Variants in PDE4B observed in about 807,000 individuals in gnomAD.
The protein encoded by PDE4B is 3',5'-cyclic-AMP phosphodiesterase 4B.
A neutral mutation model predicts 82.2 loss-of-function variants in PDE4B; 20 were observed. The observed-to-expected ratio is 0.24, with a 90% confidence interval of 0.17 to 0.35. The LOEUF (loss-of-function observed/expected upper bound fraction) is 0.35, where lower values mean the gene tolerates loss of function less well. Among genes scored for constraint, PDE4B ranks in the 10% least tolerant of loss-of-function variants. The probability of loss-of-function intolerance (pLI) is 1.00; values close to 1 mark genes in which losing one functional copy is unlikely to be tolerated. For missense variants in PDE4B, 655 were observed against 907.2 expected, an observed-to-expected ratio of 0.72 and a Z score of 3.57; for synonymous variants, 320 against 318.9, an observed-to-expected ratio of 1.00 and a Z score of -0.04.
chr1:65,992,892 C>T, intron 3 of PDE4B: 1 of 1,610,812 alleles, frequency 6.2e-7, no homozygotes, highest in African/African-American at 1.3e-5. Flanking sequence ...TGAAAGCTAG[C>T]ACTCCTTACA....
chr1:66,020,107 T>G (rs938316654), intron 3 of PDE4B, among the ~76,000 whole-genome samples: 2 of 152,226 alleles, frequency 1.3e-5, no homozygotes, highest in Non-Finnish European at 2.9e-5. Flanking sequence ...GCATTACTGT[T>G]GAGGAAAGTA....
At chr1:66,069,967 G>A (rs1948730) in intron 3 of PDE4B, among the ~76,000 whole-genome samples, 4,480 of 152,046 alleles carry the variant, frequency 0.029, 164 homozygotes, top group Admixed American at 0.11. Context: ...ATATTTACAT[G>A]TATGTGCAAG....
At chr1:66,072,073 A>C (rs1013498745) in intron 3 of PDE4B, among the ~76,000 whole-genome samples, 1 of 151,740 alleles carries the variant, frequency 6.6e-6, no homozygotes, top group South Asian at 2.1e-4. Flanking sequence ...CTCTTAATCT[A>C]CCCCTAAGCC....
intron 3 of PDE4B, among the ~76,000 whole-genome samples, chr1:66,166,745 A>G (rs1209487633): frequency 6.6e-6 from 1 of 152,056 alleles, no homozygotes; most frequent in Non-Finnish European, 1.5e-5. Context: ...AAAAAAAAAA[A>G]AAAAAAGTGA....
intron 1 of PDE4B, among the ~76,000 whole-genome samples, chr1:65,814,163 GC>G (rs1645852441): frequency 1.3e-5 from 2 of 152,144 alleles, no homozygotes; most frequent in South Asian, 4.1e-4. Context: ...CCAAAGCCTT[GC>G]CCGAGGCAGC....
intron 3 of PDE4B, among the ~76,000 whole-genome samples, chr1:66,227,623 G>T (rs1651558160): frequency 6.6e-6 from 1 of 152,212 alleles, no homozygotes; most frequent in East Asian, 1.9e-4. Context: ...CACTCTACAG[G>T]AGACTGAGAA....
At chr1:65,943,788 A>G (rs1423415787) in intron 3 of PDE4B, among the ~76,000 whole-genome samples, 1 of 151,812 alleles carries the variant, frequency 6.6e-6, no homozygotes, top group Non-Finnish European at 1.5e-5. Context: ...TCTTTTGTGG[A>G]TAATTTGTTG....
intron 7 of PDE4B, among the ~76,000 whole-genome samples, chr1:66,272,201 T>C (rs1655540266): frequency 6.6e-6 from 1 of 151,520 alleles, no homozygotes; most frequent in Admixed American, 6.6e-5. Flanking sequence ...CATGTGCCTC[T>C]TTCTGGGCAT....
chr1:66,230,889 T>TA (rs1340996654), intron 3 of PDE4B, among the ~76,000 whole-genome samples: 1 of 151,908 alleles, frequency 6.6e-6, no homozygotes, highest in Non-Finnish European at 1.5e-5. Context: ...CCACTCAAAA[T>TA]ACAAAAATTA....
intron 7 of PDE4B, among the ~76,000 whole-genome samples, chr1:66,331,549 A>AT (rs1482126242): frequency 2.6e-5 from 4 of 152,270 alleles, no homozygotes; most frequent in Non-Finnish European, 4.4e-5. Flanking sequence ...TAGCAAAAAA[A>AT]TGTGATTTTC....
chr1:65,876,440 A>G (rs1416981941), intron 1 of PDE4B, among the ~76,000 whole-genome samples: 1 of 152,138 alleles, frequency 6.6e-6, no homozygotes, highest in Non-Finnish European at 1.5e-5. Flanking sequence ...TATTACATGT[A>G]CATACATACA....
intron 7 of PDE4B, among the ~76,000 whole-genome samples, chr1:66,318,680 C>T (rs897163260): frequency 5.3e-5 from 8 of 152,090 alleles, no homozygotes; most frequent in African/African-American, 1.9e-4. Flanking sequence ...CTAGTAAACA[C>T]ATAAAAAGAA....
chr1:66,088,319 A>T (rs1055723567), intron 3 of PDE4B, among the ~76,000 whole-genome samples: 1 of 152,038 alleles, frequency 6.6e-6, no homozygotes, highest in Admixed American at 6.6e-5. Flanking sequence ...GGATGATGAG[A>T]TCCAAGAACC....
chr1:66,140,536 A>G (rs576349972), intron 3 of PDE4B, among the ~76,000 whole-genome samples: 1 of 152,356 alleles, frequency 6.6e-6, no homozygotes, highest in African/African-American at 2.4e-5. Flanking sequence ...AAAAAAGTAA[A>G]AAGTAAAAAT....
intron 7 of PDE4B, among the ~76,000 whole-genome samples, chr1:66,309,328 A>G (rs7514666): frequency 0.11 from 16,578 of 152,216 alleles, 1,354 homozygotes; most frequent in African/African-American, 0.23. Flanking sequence ...TAATATTGCA[A>G]ATGGGTTTAT....
At chr1:66,300,683 G>T (rs540646497) in intron 7 of PDE4B, among the ~76,000 whole-genome samples, 31 of 152,260 alleles carry the variant, frequency 2.0e-4, no homozygotes, top group Middle Eastern at 3.4e-3. Flanking sequence ...AGATGAATTG[G>T]ACGCAGACCC....
chr1:66,173,779 T>G (rs1311762638), intron 3 of PDE4B, among the ~76,000 whole-genome samples: 1 of 152,152 alleles, frequency 6.6e-6, no homozygotes, highest in Non-Finnish European at 1.5e-5. Flanking sequence ...TTACTTGGGT[T>G]TTTTTGTTTG....
At chr1:66,103,620 C>G (rs1645272538) in intron 3 of PDE4B, among the ~76,000 whole-genome samples, 1 of 151,996 alleles carries the variant, frequency 6.6e-6, no homozygotes, top group African/African-American at 2.4e-5. Flanking sequence ...TGGTATAAAA[C>G]TCACAGGTAA....
chr1:66,188,746 T>A (rs1647434151), intron 3 of PDE4B, among the ~76,000 whole-genome samples: 1 of 151,816 alleles, frequency 6.6e-6, no homozygotes, highest in South Asian at 2.1e-4. Context: ...ATGAGATGGG[T>A]TTCCTGAATA....
Sources: allele counts gnomAD v4.1 joint callset (sites outside exome capture counted in the v4.1 genomes callset), GRCh38; gene constraint gnomAD v4.1.1; transcripts MANE v1.5; gene names NCBI Gene and HGNC (gene_info 2026-07-23, HGNC 2026-07-21).